LTBP1: variants seen among roughly 807,000 people sequenced by gnomAD.
LTBP1 encodes the protein latent transforming growth factor beta binding protein 1, also known as latent-transforming growth factor beta-binding protein 1.
A neutral mutation model predicts 207.6 loss-of-function variants in LTBP1; 129 were observed. The observed-to-expected ratio is 0.62, with a 90% confidence interval of 0.54 to 0.72. The LOEUF is 0.72. LTBP1 is among the 30% of genes least tolerant of loss of function. The pLI, the probability that LTBP1 is intolerant of heterozygous loss-of-function variation, is 0.00. For synonymous variants in LTBP1, 963 were observed against 833.7 expected, an observed-to-expected ratio of 1.16 and a Z score of -2.67; for missense variants, 2,281 against 2,217.2, an observed-to-expected ratio of 1.03 and a Z score of -0.58.
chr2:33,274,079 A>G (rs966006359), intron 16 of LTBP1, among the ~76,000 whole-genome samples: 2 of 152,228 alleles, frequency 1.3e-5, no homozygotes, highest in Non-Finnish European at 2.9e-5. Flanking sequence ...ACAGCTACCT[A>G]AAAACATGTA....
chr2:33,377,497 A>T (rs1192565807), intron 31 of LTBP1, among the ~76,000 whole-genome samples: 1 of 152,230 alleles, frequency 6.6e-6, no homozygotes, highest in Non-Finnish European at 1.5e-5. Context: ...CCTAAGAGCT[A>T]TACTGCATGG....
At chr2:33,336,155 T>A (rs1323451451) in intron 24 of LTBP1, among the ~76,000 whole-genome samples, 1 of 152,220 alleles carries the variant, frequency 6.6e-6, no homozygotes, top group Non-Finnish European at 1.5e-5. Flanking sequence ...ACAAGAAGAC[T>A]TGATAAAACT....
chr2:33,326,761 C>T (rs1359108056), intron 24 of LTBP1, among the ~76,000 whole-genome samples: 5 of 151,902 alleles, frequency 3.3e-5, no homozygotes, highest in African/African-American at 1.2e-4. Context: ...TGGGTTCAAG[C>T]GATTCTCCTG....
chr2:33,300,366 A>G, intron 20 of LTBP1, 85 bp from the exon 21 acceptor site: 1 of 1,383,396 alleles, frequency 7.2e-7, no homozygotes, highest in Admixed American at 1.8e-5. Context: ...TTTTTGTTAC[A>G]CTAATCCCAG....
chr2:33,163,516 T>C (rs1384470659), intron 5 of LTBP1, among the ~76,000 whole-genome samples: 1 of 152,092 alleles, frequency 6.6e-6, no homozygotes, highest in African/African-American at 2.4e-5. Flanking sequence ...GAAAAATGGC[T>C]TAAAGGATAA....
intron 2 of LTBP1, among the ~76,000 whole-genome samples, chr2:32,953,336 G>C (rs1030046446): frequency 6.6e-6 from 1 of 152,134 alleles, no homozygotes; most frequent in African/African-American, 2.4e-5. Flanking sequence ...CTTGGGAGTC[G>C]AGCCCAGAGT....
chr2:33,182,687 G>GATATATATATATATATATATAT (rs201059639), intron 5 of LTBP1, among the ~76,000 whole-genome samples: 1 of 67,006 alleles, frequency 1.5e-5, no homozygotes, highest in Admixed American at 1.5e-4. Context: ...AAAAGATGGT[G>GATATATATATATATATATATAT]ATATATATAT....
intron 5 of LTBP1, among the ~76,000 whole-genome samples, chr2:33,184,334 C>G (rs770261686): frequency 5.9e-5 from 9 of 152,126 alleles, no homozygotes; most frequent in Non-Finnish European, 1.3e-4. Flanking sequence ...CTTTCTTTGT[C>G]TAACACAAGC....
At chr2:33,208,256 A>T (rs2090025769) in intron 7 of LTBP1, among the ~76,000 whole-genome samples, 1 of 152,218 alleles carries the variant, frequency 6.6e-6, no homozygotes, top group Non-Finnish European at 1.5e-5. Context: ...GTGTAGGTTG[A>T]TGGATTATAA....
intron 7 of LTBP1, among the ~76,000 whole-genome samples, chr2:33,200,322 C>T (rs2089080839): frequency 6.6e-6 from 1 of 152,158 alleles, no homozygotes; most frequent in Non-Finnish European, 1.5e-5. Context: ...AATAATGCCA[C>T]ATATCTACAA....
rs916616111 is a variant in LTBP1, at chr2:33,306,021, T to C, written c.3482-3413T>C. ...TTTTACTCTACTTCTAGGAAAAATATATATTTTCGCACTACCCCAGGTGGT... is the reference window on the plus strand; with the variant it reads ...TTTTACTCTACTTCTAGGAAAAATACATATTTTCGCACTACCCCAGGTGGT... On this transcript the variant is annotated intron_variant, in intron 22 of 33. Coordinates refer to ENST00000404816, the MANE Select transcript of LTBP1 (RefSeq NM_206943.4). Among the ~76,000 whole-genome samples, 3 of 152,256 alleles carry C rather than the reference T, an allele frequency of 2.0e-5. No individual in the cohort carries two copies. The East Asian group carries it at 5.8e-4, about 29-fold the overall frequency.
chr2:33,367,722 G>A (rs2150141128), intron 31 of LTBP1, among the ~76,000 whole-genome samples: 1 of 152,218 alleles, frequency 6.6e-6, no homozygotes, highest in Non-Finnish European at 1.5e-5. Flanking sequence ...CATGGATAAA[G>A]AAATTTTCTT....
At chr2:33,396,082 A>C (rs1036553224) in intron 32 of LTBP1, among the ~76,000 whole-genome samples, 28 of 152,090 alleles carry the variant, frequency 1.8e-4, no homozygotes, top group African/African-American at 5.8e-4. Context: ...AAAAACTCTA[A>C]AGTCTAGCTC....
intron 5 of LTBP1, among the ~76,000 whole-genome samples, chr2:33,159,063 A>AG (rs1246446918): frequency 1.3e-5 from 2 of 152,148 alleles, no homozygotes; most frequent in Non-Finnish European, 2.9e-5. Flanking sequence ...ATGGGAATGC[A>AG]GGGGGCCTAG....
intron 3 of LTBP1, among the ~76,000 whole-genome samples, chr2:33,073,872 C>T (rs1225275948): frequency 6.6e-6 from 1 of 152,294 alleles, no homozygotes; most frequent in East Asian, 1.9e-4. Context: ...GGTAACCCAC[C>T]CGCCTCGGCC....
chr2:32,989,146 A>G (rs1684036957), intron 2 of LTBP1, among the ~76,000 whole-genome samples: 1 of 152,230 alleles, frequency 6.6e-6, no homozygotes, highest in African/African-American at 2.4e-5. Context: ...TCAGAAATCC[A>G]TGTTAGAAGA....
intron 5 of LTBP1, among the ~76,000 whole-genome samples, chr2:33,167,196 G>C (rs2084994299): frequency 6.6e-6 from 1 of 152,068 alleles, no homozygotes. Context: ...TGAATAATTT[G>C]GAAAGAATCA....
intron 19 of LTBP1, among the ~76,000 whole-genome samples, chr2:33,287,093 TAAAAAC>T (rs1245126601): frequency 7.3e-5 from 11 of 149,854 alleles, no homozygotes; most frequent in East Asian, 3.9e-4. Flanking sequence ...AAAAATAAAA[TAAAAAC>T]AACAACAACA....
intron 24 of LTBP1, among the ~76,000 whole-genome samples, chr2:33,334,846 A>T (rs1374786419): frequency 1.3e-5 from 2 of 151,278 alleles, no homozygotes; most frequent in Admixed American, 1.3e-4. Context: ...AGGTGGGAGG[A>T]TCACTTGAGC....
Sources: gnomAD v4.1 joint callset for allele counts (sites outside exome capture counted in the v4.1 genomes callset) on GRCh38, gnomAD v4.1.1 for gene constraint, MANE v1.5 for transcripts, NCBI Gene and HGNC (gene_info 2026-07-23, HGNC 2026-07-21) for gene names.